The following NAALADL2 variants were observed in gnomAD, a reference collection of about 807,000 sequenced individuals.
The protein encoded by NAALADL2 is inactive N-acetylated-alpha-linked acidic dipeptidase-like protein 2.
Under a neutral mutation model 87.2 loss-of-function variants are expected in NAALADL2, and 76 were observed. The observed-to-expected ratio is 0.87, with a 90% CI of 0.72 to 1.05. NAALADL2 has a LOEUF of 1.05. Among genes scored for constraint, NAALADL2 ranks in the 50% least tolerant of loss-of-function variants. NAALADL2 has a pLI of 0.00. For synonymous variants in NAALADL2, 354 were observed against 331.0 expected (o/e 1.07, Z -0.75); for missense variants, 1,089 against 945.8 (o/e 1.15, Z -1.99).
intron 3 of NAALADL2, among the ~76,000 whole-genome samples, chr3:175,238,339 G>A (rs1443226846): frequency 6.6e-6 from 1 of 152,050 alleles, no homozygotes; most frequent in Admixed American, 6.6e-5. Flanking sequence ...AAAGTTAACT[G>A]TAGATGTAGA....
intron 1 of NAALADL2, among the ~76,000 whole-genome samples, chr3:174,892,044 C>T (rs971519446): frequency 6.6e-6 from 1 of 152,140 alleles, no homozygotes; most frequent in Admixed American, 6.5e-5. Flanking sequence ...GCAGAAACTG[C>T]TTAGTTCACA....
rs375429757 is a variant in NAALADL2 at position 175,582,628 on chromosome 3, G to C, written c.1800+6441G>C. Among the ~76,000 whole-genome samples, 57 of 152,318 alleles carry C rather than the reference G, an allele frequency of 3.7e-4. No homozygotes were observed. In the South Asian group the frequency reaches 6.6e-3, roughly 18 times the overall value. On this transcript the variant is annotated intron_variant, in intron 10 of 13. Coordinates refer to ENST00000454872, the MANE Select transcript of NAALADL2 (RefSeq NM_207015.3). ...TAACATATTTTATTAACTGTTAACA[G>C]ATATTTGTTATTTAGCCAGCAGTTA...
At chr3:174,943,441 A>C (rs530076788) in intron 1 of NAALADL2, among the ~76,000 whole-genome samples, 1 of 151,766 alleles carries the variant, frequency 6.6e-6, no homozygotes, top group Non-Finnish European at 1.5e-5. Context: ...CCCTCTCAAT[A>C]CTCTTGAAAG....
At chr3:174,848,375 C>A (rs1197356690) in intron 3 of NAALADL2, among the ~76,000 whole-genome samples, 1 of 152,100 alleles carries the variant, frequency 6.6e-6, no homozygotes, top group Non-Finnish European at 1.5e-5. Context: ...AAGTGATATT[C>A]TCCAACCGAG....
At chr3:174,950,990 T>G (rs73174802) in intron 1 of NAALADL2, among the ~76,000 whole-genome samples, 6,281 of 152,104 alleles carry the variant, frequency 0.041, 141 homozygotes, top group South Asian at 0.063. Context: ...GAGAAAAAGA[T>G]AAAGGACAGA....
intron 3 of NAALADL2, among the ~76,000 whole-genome samples, chr3:174,778,383 T>A (rs527778559): frequency 6.6e-6 from 1 of 152,080 alleles, no homozygotes; most frequent in Admixed American, 6.6e-5. Context: ...CAAGAACTAG[T>A]ACAAAATTGT....
At chr3:175,521,263 A>C (rs1470983857) in intron 9 of NAALADL2, among the ~76,000 whole-genome samples, 2 of 152,086 alleles carry the variant, frequency 1.3e-5, no homozygotes, top group African/African-American at 4.8e-5. Context: ...TAAAATAATA[A>C]TACTATTTTA....
intron 1 of NAALADL2, among the ~76,000 whole-genome samples, chr3:175,094,482 G>A (rs1031364504): frequency 6.6e-6 from 1 of 151,782 alleles, no homozygotes; most frequent in Non-Finnish European, 1.5e-5. Flanking sequence ...TCCTCTATAA[G>A]TTAATCAGCT....
At chr3:175,350,827 C>A (rs993352413) in intron 5 of NAALADL2, among the ~76,000 whole-genome samples, 1 of 151,998 alleles carries the variant, frequency 6.6e-6, no homozygotes, top group Non-Finnish European at 1.5e-5. Flanking sequence ...TGTTTGGGGA[C>A]AATTAAAATT....
intron 5 of NAALADL2, among the ~76,000 whole-genome samples, chr3:175,441,031 G>A (rs1400399581): frequency 6.6e-6 from 1 of 151,374 alleles, no homozygotes; most frequent in African/African-American, 2.4e-5. Context: ...TTTGGGGGAG[G>A]GTGAGCAAAT....
In NAALADL2 at chr3:175,305,967, T is replaced by A. The variant is rs145926561; in HGVS notation, c.940-18208T>A. Among the ~76,000 whole-genome samples the A allele has an allele frequency of 5.2e-3, 795 of 152,310 alleles. 4 individuals carry two copies. The highest frequency in any genetic ancestry group is 7.2e-3 in the Non-Finnish European group (487 of 68,026). On this transcript the variant is annotated intron_variant, in intron 4 of 13. Transcript: ENST00000454872. ...TATTTTCACAAATCCTTAATTTTTT[T>A]AAGATTTTTTTGATAAAAAACATAT...
At chr3:174,528,159 T>C (rs6772350) in intron 1 of NAALADL2, among the ~76,000 whole-genome samples, 27,040 of 152,184 alleles carry the variant, frequency 0.18, 2,459 homozygotes, top group Middle Eastern at 0.25. Flanking sequence ...CTTTGTGTTA[T>C]GTACTATCTC....
chr3:174,821,051 G>A (rs1340990852), intron 3 of NAALADL2, among the ~76,000 whole-genome samples: 1 of 152,112 alleles, frequency 6.6e-6, no homozygotes, highest in East Asian at 1.9e-4. Context: ...GTATGACTGT[G>A]CTTTCCAAAT....
chr3:174,567,226 T>A (rs1449196237), intron 2 of NAALADL2, among the ~76,000 whole-genome samples: 1 of 151,624 alleles, frequency 6.6e-6, no homozygotes, highest in East Asian at 1.9e-4. Flanking sequence ...ATGTTTTACA[T>A]TTAATAAAAT....
At position 175,377,883 on chromosome 3, in the gene NAALADL2, C is replaced by T. The variant is rs1193684021; in HGVS notation, c.1090+53558C>T. Among the ~76,000 whole-genome samples, 5 of 152,152 alleles carry T rather than the reference C, an allele frequency of 3.3e-5. No individual in the cohort carries two copies. In the East Asian group the frequency reaches 5.8e-4, roughly 18 times the overall value. On this transcript the variant is annotated intron_variant, in intron 5 of 13. Coordinates refer to ENST00000454872, the MANE Select transcript of NAALADL2 (RefSeq NM_207015.3). ...ACTTCAGGGGAAGATTACCTTCCCA[C>T]CCCATCCCCTTTTCAGCTCCTCTTC...
chr3:175,694,529 T>G (rs1473271359), intron 11 of NAALADL2, among the ~76,000 whole-genome samples: 1 of 152,122 alleles, frequency 6.6e-6, no homozygotes, highest in Non-Finnish European at 1.5e-5. Flanking sequence ...GTTATTTTCT[T>G]GGAAAAATTA....
At chr3:175,422,789 G>C (rs1015658903) in intron 5 of NAALADL2, among the ~76,000 whole-genome samples, 16 of 151,818 alleles carry the variant, frequency 1.1e-4, no homozygotes, top group Non-Finnish European at 2.2e-4. Context: ...TGAACACATA[G>C]TTCATTCTAA....
In NAALADL2 at chr3:174,553,613, TA is replaced by T. The variant is rs547085124; in HGVS notation, c.-115+2977del. 3.7e-3 allele frequency among the ~76,000 whole-genome samples: 559 copies of T among 152,326 alleles called. 8 individuals carry two copies. Among genetic ancestry groups the T allele is most frequent in the African/African-American group, 0.013 (545 of 41,584 alleles). The stretch of plus-strand genomic sequence containing the variant: ...ATTCCACTTATGTTTAGGTGGGAAT[TA>T]GATTTAATGAGTTATAATCATCTTT... On this transcript the variant is annotated intron_variant, in intron 2 of 3. Transcript: ENST00000434257.
chr3:175,202,852 G>A (rs1002470493), intron 2 of NAALADL2, among the ~76,000 whole-genome samples: 1 of 152,034 alleles, frequency 6.6e-6, no homozygotes, highest in Non-Finnish European at 1.5e-5. Context: ...TACCTAGGAG[G>A]ATTATGGCTG....
Sources: allele counts gnomAD v4.1 joint callset (sites outside exome capture counted in the v4.1 genomes callset), GRCh38; gene constraint gnomAD v4.1.1; transcripts MANE v1.5; gene names NCBI Gene and HGNC (gene_info 2026-07-23, HGNC 2026-07-21).